ADGRG4: variants seen among roughly 807,000 people sequenced by gnomAD.
ADGRG4 encodes the protein G protein-coupled receptor 112.
ADGRG4 carries 122 observed loss-of-function variants against 126.2 expected under a neutral mutation model. The observed-to-expected ratio is 0.97, with a 90% CI of 0.83 to 1.12. ADGRG4 has a LOEUF of 1.12. Ranked by LOEUF, ADGRG4 falls within the 50% of genes most tolerant of loss-of-function variation. ADGRG4 has a pLI of 0.00. For synonymous variants in ADGRG4, 943 were observed against 838.7 expected (o/e 1.12, Z -2.15); for missense variants, 2,481 against 2,251.8 (o/e 1.10, Z -2.06).
At position 136,350,249 on chromosome X, in the gene ADGRG4, A is replaced by G. The variant is rs775907585; in HGVS notation, c.6543A>G (p.Ile2181Met). 1.9e-5 allele frequency: 23 copies of G among 1,206,701 alleles called. No homozygotes were observed. The highest frequency in any genetic ancestry group is 2.6e-5 in the Non-Finnish European group (23 of 892,328). ...PKPTLDSLLNIMTTTSTVPGA... is the reference protein window; with the variant it reads ...PKPTLDSLLNMMTTTSTVPGA... ...CCACACTGGACTCCCTTCTAAATATAATGACTACTACATCCACTGTTCCTG... is the reference window on the plus strand; with the variant it reads ...CCACACTGGACTCCCTTCTAAATATGATGACTACTACATCCACTGTTCCTG... Residue 2181 changes from isoleucine (I) to methionine (M), a missense_variant, in exon 6 of 26, where the codon ATA (isoleucine) becomes ATG (methionine). Transcript: ENST00000394143.
In ADGRG4 at chrX:136,397,967, T is replaced by G. The variant is rs5974595; in HGVS notation, c.8271T>G (p.Phe2757Leu). 118 of 1,204,736 alleles carry G rather than the reference T, an allele frequency of 9.8e-5. No individual in the cohort carries two copies. The highest frequency in any genetic ancestry group is 1.3e-4 in the Non-Finnish European group (114 of 891,319). ...TYTGCGISSI[F>L]LGVAVVTYIA... ...CCGGATGTGGAATCTCCTCCATTTT[T>G]CTGGGAGTTGCAGTGGTGACATACA... Residue 2757 changes from phenylalanine to leucine, a missense_variant, in exon 20 of 26, where the codon TTT becomes TTG. Coordinates refer to ENST00000394143, the MANE Select transcript of ADGRG4 (RefSeq NM_153834.4).
At chrX:136,409,429 C>T (rs1344922776) in intron 23 of ADGRG4, among the ~76,000 whole-genome samples, 2 of 111,350 alleles carry the variant, frequency 1.8e-5, no homozygotes, top group Non-Finnish European at 3.8e-5. Context: ...GAAAACTAAA[C>T]TCCATGCAAG....
chrX:136,339,641 G>A (rs1653419368), intron 5 of ADGRG4, among the ~76,000 whole-genome samples: 1 of 112,470 alleles, frequency 8.9e-6, no homozygotes, highest in African/African-American at 3.2e-5. Context: ...TGGTGAGGGG[G>A]AGAAGATAAC....
At chrX:136,343,492 A>G (rs2074992026) in intron 5 of ADGRG4, among the ~76,000 whole-genome samples, 2 of 111,797 alleles carry the variant, frequency 1.8e-5, no homozygotes, top group African/African-American at 6.5e-5. Context: ...GAAACTATAC[A>G]GCCAAATGTG....
intron 5 of ADGRG4, among the ~76,000 whole-genome samples, chrX:136,330,563 TA>T (rs762642535): frequency 9.0e-6 from 1 of 111,210 alleles, no homozygotes; most frequent in Non-Finnish European, 1.9e-5. Flanking sequence ...TTTGCTGTTA[TA>T]AAAAAAATCC....
intron 23 of ADGRG4, among the ~76,000 whole-genome samples, chrX:136,406,726 C>T: frequency 9.0e-6 from 1 of 110,832 alleles, no homozygotes; most frequent in East Asian, 2.8e-4. Context: ...CCAGCCTGGC[C>T]AACATGGTGA....
At chrX:136,375,459 A>G (rs1014143830) in intron 15 of ADGRG4, among the ~76,000 whole-genome samples, 6 of 112,310 alleles carry the variant, frequency 5.3e-5, no homozygotes, top group Non-Finnish European at 9.4e-5. Flanking sequence ...AGGGATCTCC[A>G]TACTGTTTTC....
At chrX:136,330,836 C>T (rs771350444) in intron 5 of ADGRG4, among the ~76,000 whole-genome samples, 2 of 111,325 alleles carry the variant, frequency 1.8e-5, no homozygotes, top group Non-Finnish European at 3.8e-5. Context: ...ATAAACAATC[C>T]AATTATACTC....
chrX:136,396,402 TA>T (rs769616714), intron 19 of ADGRG4, among the ~76,000 whole-genome samples: 1 of 103,813 alleles, frequency 9.6e-6, no homozygotes, highest in African/African-American at 3.5e-5. Flanking sequence ...TATATATATA[TA>T]TTTTTTTTTT....
At chrX:136,384,464 G>A (rs1470687015) in intron 15 of ADGRG4, among the ~76,000 whole-genome samples, 2 of 111,181 alleles carry the variant, frequency 1.8e-5, no homozygotes, top group Admixed American at 1.9e-4. Flanking sequence ...AAAATTGAGA[G>A]AAAAAATGGT....
chrX:136,367,020 C>T (rs2075163005), intron 13 of ADGRG4, among the ~76,000 whole-genome samples: 2 of 111,159 alleles, frequency 1.8e-5, no homozygotes, highest in Admixed American at 9.5e-5. Flanking sequence ...TTCTTTGCCC[C>T]TTTCACCATG....
chrX:136,346,665 G>A lies in ADGRG4; in HGVS notation c.2959G>A (p.Ala987Thr). 8.3e-7 allele frequency: 1 copy of A among 1,210,548 alleles called. No individual in the cohort carries two copies. The highest frequency in any genetic ancestry group is 1.1e-6 in the Non-Finnish European group (1 of 894,724). ...SFSTTPTDRT[A>T]TSLSDGILPP... ...CTCCACTACCCCTACAGACAGGACA[G>A]CTACGTCCTTGTCTGATGGTATCTT... is the stretch of plus-strand genomic sequence containing the variant. The change falls in exon 6 of 26, where the codon GCT becomes ACT. Residue 987 changes from alanine to threonine, a missense_variant. Ala to Thr is a moderately conservative substitution (Grantham distance 58, BLOSUM62 0). Coordinates refer to ENST00000394143, the MANE Select transcript of ADGRG4 (RefSeq NM_153834.4).
rs373202979 is a variant in ADGRG4 at position 136,403,217 on chromosome X, T to C, written c.8576-27T>C. On this transcript the variant is annotated intron_variant, in intron 21 of 25. Transcript: ENST00000394143. ...GTTGCCTCCCTGCTACCTGATGAAA[T>C]GCCTTTGACTTGCTTTCCCACTGCA... The C allele has an allele frequency of 1.5e-5, 17 of 1,169,574 alleles. No homozygotes were observed. In the African/African-American group the frequency reaches 2.5e-4, roughly 17 times the overall value.
chrX:136,370,510 T>C (rs900093467), intron 13 of ADGRG4, among the ~76,000 whole-genome samples: 1 of 112,392 alleles, frequency 8.9e-6, no homozygotes, highest in African/African-American at 3.2e-5. Flanking sequence ...TTGATGATTT[T>C]GAATATTATT....
Position 136,344,865 on chromosome X carries a change from A to G in ADGRG4, c.1159A>G (p.Thr387Ala). The G allele has an allele frequency of 8.3e-7, 1 of 1,210,605 alleles. No individual in the cohort carries two copies. The highest frequency in any genetic ancestry group is 3.0e-5 in the East Asian group (1 of 33,839). Reference sequence around the variant, plus strand: ...ATTTACCAAGAATTCAGTTGTATCTACAACTTCAGCAATTAAATCTCAGTC... The same window carrying G: ...ATTTACCAAGAATTCAGTTGTATCTGCAACTTCAGCAATTAAATCTCAGTC... ...SRFTKNSVVSTTSAIKSQSAV... is the reference protein window; with the variant it reads ...SRFTKNSVVSATSAIKSQSAV... Residue 387 changes from threonine (T) to alanine (A), a missense_variant, in exon 6 of 26, where the codon ACA becomes GCA. Physicochemically the swap from Thr to Ala is moderately conservative, Grantham distance 58 (BLOSUM62 0). Transcript: ENST00000394143.
At chrX:136,413,987 C>T (rs1168906322) in intron 24 of ADGRG4, among the ~76,000 whole-genome samples, 173 bp from the exon 25 acceptor site, 15 of 111,540 alleles carry the variant, frequency 1.3e-4, no homozygotes, top group Non-Finnish European at 1.9e-5. Flanking sequence ...GTGATCCGCC[C>T]GCCTCGGCCT....
chrX:136,316,981 C>T (rs934504806), intron 4 of ADGRG4, among the ~76,000 whole-genome samples: 19 of 111,203 alleles, frequency 1.7e-4, no homozygotes, highest in African/African-American at 5.9e-4. Context: ...CCATTAGCCT[C>T]CAACTCAGTG....
At position 136,345,119 on chromosome X, in the gene ADGRG4, T is replaced by C. The variant is rs185759057; in HGVS notation, c.1413T>C (p.Pro471=). The stretch of plus-strand genomic sequence containing the variant: ...CTGCATCATCATTCCCACCTGAGCC[T>C]GTGCTCATCTCCACAGCTGCTCCAG... ...VGTASSFPPE[P]VLISTAAPVD... Residue 471 remains proline, a synonymous_variant, in exon 6 of 26, where the codon CCT becomes CCC. Transcript: ENST00000394143. 4.1e-6 allele frequency: 5 copies of C among 1,209,647 alleles called. No homozygotes were observed. The highest frequency in any genetic ancestry group is 5.6e-6 in the Non-Finnish European group (5 of 894,771).
chrX:136,405,383 C>T (rs1203834039), intron 22 of ADGRG4, among the ~76,000 whole-genome samples: 1 of 111,271 alleles, frequency 9.0e-6, no homozygotes, highest in African/African-American at 3.3e-5. Flanking sequence ...ATGTATCATT[C>T]GTTTTTCTGC....
Sources: gnomAD v4.1 joint callset for allele counts (sites outside exome capture counted in the v4.1 genomes callset) on GRCh38, gnomAD v4.1.1 for gene constraint, MANE v1.5 for transcripts, NCBI Gene and HGNC (gene_info 2026-07-23, HGNC 2026-07-21) for gene names.